Variants in LUC7L observed in about 807,000 individuals in gnomAD.
LUC7L encodes LUC7 like, also known as putative RNA-binding protein Luc7-like 1.
In LUC7L, 29 loss-of-function variants were observed where a neutral mutation model predicts 51.1. The ratio of observed to expected loss-of-function variants is 0.57; its 90% CI spans 0.42 to 0.77. LUC7L has a LOEUF of 0.77. Ranked by LOEUF, LUC7L falls within the 30% of genes least tolerant of loss-of-function variation. The pLI is 0.00. For missense variants in LUC7L, 403 were observed against 511.9 expected (o/e 0.79, Z 2.05); for synonymous variants, 181 against 180.7 (o/e 1.00, Z -0.01).
chr16:228,604 C>CA (rs2050184916), intron 1 of LUC7L: 1 of 1,189,724 alleles, frequency 8.4e-7, no homozygotes, highest in African/African-American at 1.6e-5. Context: ...AAAGAAAACA[C>CA]AAACCACAGC....
At position 222,283 on chromosome 16, in the gene LUC7L, C is replaced by A. The variant is rs78269429; in HGVS notation, c.157-1536G>T. Among the ~76,000 whole-genome samples the A allele has an allele frequency of 7.1e-3, 1,057 of 148,250 alleles. 14 individuals are homozygous for A. The highest frequency in any genetic ancestry group is 0.025 in the African/African-American group (1,017 of 39,956). On this transcript the variant is annotated intron_variant, in intron 2 of 9. Transcript: ENST00000293872. ...ATGTTAACAAAACCCAACATCCCAA[C>A]TAGGAGACACCCCCAGTAGGACAAA...
chr16:228,119 G>A, intron 1 of LUC7L: 2 of 1,148,590 alleles, frequency 1.7e-6, no homozygotes, highest in Non-Finnish European at 2.2e-6. Flanking sequence ...AAGGTAAAGT[G>A]GTATGTGACA....
At chr16:195,996 G>A (rs930929928) in intron 6 of LUC7L, among the ~76,000 whole-genome samples, 2 of 152,076 alleles carry the variant, frequency 1.3e-5, no homozygotes, top group Non-Finnish European at 2.9e-5. Flanking sequence ...GATAAAACAA[G>A]CTTTCTAACC....
At chr16:194,113 T>C (rs2049089206) in intron 6 of LUC7L, among the ~76,000 whole-genome samples, 1 of 151,774 alleles carries the variant, frequency 6.6e-6, no homozygotes, top group Non-Finnish European at 1.5e-5. Flanking sequence ...ACTTTTTTTT[T>C]TTTGAAACAG....
chr16:206,175 G>A (rs963037509), intron 4 of LUC7L, 28 bp from the exon 5 acceptor site: 1 of 1,600,554 alleles, frequency 6.2e-7, no homozygotes, highest in Non-Finnish European at 8.5e-7. Context: ...GAGGTAAGCA[G>A]ACATCTGAAA....
At chr16:216,672 G>A (rs1301168431) in intron 3 of LUC7L, among the ~76,000 whole-genome samples, 6 of 151,892 alleles carry the variant, frequency 4.0e-5, no homozygotes, top group Non-Finnish European at 2.9e-5. Context: ...AAGCCACCTC[G>A]CCTGACCTAA....
chr16:220,728 C>T lies in LUC7L; in HGVS notation c.176G>A (p.Cys59Tyr). 1 of 1,613,772 alleles carries T rather than the reference C, an allele frequency of 6.2e-7. No individual in the cohort carries two copies. Among genetic ancestry groups the T allele is most frequent in the Non-Finnish European group, 8.5e-7 (1 of 1,179,706 alleles). ...GAGGGCCAAGTCGTGGATTTTGGTA[C>T]ATTCTCCTAAATCCATGCGCTGTGG... Reference protein sequence around the residue: ...LAGTRMDLGECTKIHDLALRA... With the variant: ...LAGTRMDLGEYTKIHDLALRA... The change falls in exon 3 of 10, where the codon TGT (cysteine) becomes TAT (tyrosine). Residue 59 changes from cysteine to tyrosine, a missense_variant. Around this residue, in one of 3 missense-constraint regions of LUC7L, gnomAD observed 182 missense variants for 248.4 expected, o/e 0.73. Coordinates refer to ENST00000293872, the MANE Select transcript of LUC7L (RefSeq NM_201412.3).
intron 3 of LUC7L, among the ~76,000 whole-genome samples, chr16:211,008 G>T (rs1255985153): frequency 6.7e-6 from 1 of 149,448 alleles, no homozygotes; most frequent in East Asian, 2.0e-4. Flanking sequence ...CAGAGACTGT[G>T]TGCCACTGCA....
chr16:228,276 G>A, intron 1 of LUC7L: 2 of 1,301,722 alleles, frequency 1.5e-6, no homozygotes, highest in African/African-American at 1.5e-5. Flanking sequence ...AAAGTTACTT[G>A]TGAAAAAAAG....
In LUC7L at chr16:190,394, C is replaced by T. The variant is rs374470414; in HGVS notation, c.806+147G>A. Reference sequence around the variant, plus strand: ...TCTCATTAACACTGGGAACCCTCCACGGCACCAAGCAACCTCTTGCCCTGT... The same window carrying T: ...TCTCATTAACACTGGGAACCCTCCATGGCACCAAGCAACCTCTTGCCCTGT... On this transcript the variant is annotated intron_variant, in intron 8 of 9. Coordinates refer to ENST00000293872, the MANE Select transcript of LUC7L (RefSeq NM_201412.3). 1.9e-5 allele frequency: 17 copies of T among 879,920 alleles called. No homozygotes were observed. The East Asian group carries it at 3.0e-4, about 16-fold the overall frequency. The allele number at this position is 879,920 out of a possible 1,614,324, so 54.5% of individuals were successfully genotyped here.
rs1343790427 is a variant in LUC7L, at chr16:189,270, G to A, written c.1044C>T (p.Asp348=). Residue 348 remains aspartate, a synonymous_variant, in exon 10 of 10, where the codon GAC becomes GAT. Transcript: ENST00000293872. ...ESGRSERGPP[D]WRLESSNGKM... ...TCCCGTTGGAGCTCTCAAGCCTCCA[G>A]TCCGGGGGCCCTCGCTCGCTCCGCC... is the stretch of plus-strand genomic sequence containing the variant. The A allele has an allele frequency of 3.1e-6, 5 of 1,613,914 alleles. No homozygotes were observed. The highest frequency in any genetic ancestry group is 4.2e-6 in the Non-Finnish European group (5 of 1,179,996).
chr16:217,813 T>G (rs1003328646), intron 3 of LUC7L, among the ~76,000 whole-genome samples: 32 of 151,688 alleles, frequency 2.1e-4, no homozygotes, highest in Admixed American at 2.0e-3. Flanking sequence ...CCAAGGCAGG[T>G]GGATCACCTG....
intron 3 of LUC7L, among the ~76,000 whole-genome samples, chr16:219,107 T>C (rs559262888): frequency 7.6e-4 from 114 of 150,906 alleles, no homozygotes; most frequent in South Asian, 2.1e-4. Context: ...CAAAAATAAA[T>C]AGGACAGGCG....
chr16:229,406 C>A lies in LUC7L; in HGVS notation c.-67G>T, dbSNP rs2050217769. The A allele has an allele frequency of 7.3e-7, 1 of 1,371,022 alleles. No homozygotes were observed. The highest frequency in any genetic ancestry group is 9.6e-7 in the Non-Finnish European group (1 of 1,039,708). The allele number at this position is 1,371,022 out of a possible 1,614,324, so 84.9% of individuals were successfully genotyped here. A position where few individuals can be genotyped will look rare whatever the true frequency, so the allele number is the denominator to read the frequency against. Reference sequence around the variant, plus strand: ...CTCAGGCAGGCGGTGGCAGCGGCGTCGACAAACGATGGTCGCGTCGGCCTC... The same window carrying A: ...CTCAGGCAGGCGGTGGCAGCGGCGTAGACAAACGATGGTCGCGTCGGCCTC... On this transcript the variant is annotated 5_prime_UTR_variant, in exon 1 of 10. Coordinates refer to ENST00000293872, the MANE Select transcript of LUC7L (RefSeq NM_201412.3).
At position 223,650 on chromosome 16, in the gene LUC7L, T is replaced by G. The variant is rs145966684; in HGVS notation, c.157-2903A>C. ...TCACTGTCACTGAAAATCTGACAAC[T>G]TTTACCTCATTCACTCTGTTTTTTC... On this transcript the variant is annotated intron_variant, in intron 2 of 9. Coordinates refer to ENST00000293872, the MANE Select transcript of LUC7L (RefSeq NM_201412.3). 9.5e-4 allele frequency among the ~76,000 whole-genome samples: 144 copies of G among 151,990 alleles called. 1 individual carries two copies. Among genetic ancestry groups the G allele is most frequent in the African/African-American group, 2.8e-3 (116 of 41,484 alleles).
At chr16:205,953 G>A (rs1299513656) in intron 5 of LUC7L, 51 bp downstream of exon 5, 9 of 1,573,032 alleles carry the variant, frequency 5.7e-6, no homozygotes, top group African/African-American at 2.8e-5. Flanking sequence ...AACGGTCAAC[G>A]CTGCCAAATT....
intron 5 of LUC7L, among the ~76,000 whole-genome samples, chr16:199,870 G>A (rs1244070795): frequency 6.7e-6 from 1 of 150,356 alleles, no homozygotes; most frequent in African/African-American, 2.5e-5. Context: ...CATGCCTGTA[G>A]TCCCAGCTAC....
At chr16:193,219 G>A (rs1364820217) in intron 6 of LUC7L, among the ~76,000 whole-genome samples, 1 of 152,034 alleles carries the variant, frequency 6.6e-6, no homozygotes, top group Non-Finnish European at 1.5e-5. Context: ...CGTGATCTCG[G>A]CTCACTGCAA....
At chr16:213,150 C>T (rs2049692982) in intron 3 of LUC7L, among the ~76,000 whole-genome samples, 1 of 152,102 alleles carries the variant, frequency 6.6e-6, no homozygotes, top group African/African-American at 2.4e-5. Context: ...TTATAGACTG[C>T]CTTATAACAA....
Sources: allele counts gnomAD v4.1 joint callset (sites outside exome capture counted in the v4.1 genomes callset), GRCh38; gene constraint gnomAD v4.1.1; regional missense constraint gnomAD v4.1.1; transcripts MANE v1.5; gene names NCBI Gene and HGNC (gene_info 2026-07-23, HGNC 2026-07-21).